Variants in PLCE1 observed in about 807,000 individuals in gnomAD.
PLCE1 encodes the protein 1-phosphatidylinositol 4,5-bisphosphate phosphodiesterase epsilon-1.
Under a neutral mutation model 242.8 loss-of-function variants are expected in PLCE1, and 119 were observed. The observed-to-expected ratio is 0.49, with a 90% CI of 0.42 to 0.57. PLCE1 has a LOEUF of 0.57. Ranked by LOEUF, PLCE1 falls within the 20% of genes least tolerant of loss-of-function variation. The probability of loss-of-function intolerance (pLI) is 0.00; values close to 1 mark genes in which losing one functional copy is unlikely to be tolerated. For synonymous variants in PLCE1, 945 were observed against 1,017.4 expected, an observed-to-expected ratio of 0.93 and a Z score of 1.35; for missense variants, 2,441 against 2,788.8, an observed-to-expected ratio of 0.88 and a Z score of 2.81.
In PLCE1 at chr10:94,308,645, T is replaced by C; in HGVS notation, c.5949T>C (p.Ile1983=). The C allele has an allele frequency of 1.2e-6, 2 of 1,613,656 alleles. No individual in the cohort carries two copies. Among genetic ancestry groups the C allele is most frequent in the Non-Finnish European group, 1.7e-6 (2 of 1,179,538 alleles). Residue 1983 remains isoleucine, a synonymous_variant, in exon 27 of 33, where the codon ATT becomes ATC. Transcript: ENST00000371380. ...TCTTGGAGATTTCTAGTTTATTCATTAACAGCAGAAGGATGGAAGAAAATT... is the reference window on the plus strand; with the variant it reads ...TCTTGGAGATTTCTAGTTTATTCATCAACAGCAGAAGGATGGAAGAAAATT... ...NEVLEISSLF[I]NSRRMEENSS... is the part of the protein sequence containing the mutation.
Position 94,227,429 on chromosome 10 carries a change from A to G in PLCE1, c.1933A>G (p.Met645Val), listed in dbSNP as rs2049984813. The G allele has an allele frequency of 2.5e-6, 4 of 1,614,136 alleles. No individual in the cohort carries two copies. Among genetic ancestry groups the G allele is most frequent in the Non-Finnish European group, 3.4e-6 (4 of 1,179,992 alleles). The change falls in exon 5 of 33, where the codon ATG (methionine) becomes GTG (valine). Residue 645 changes from methionine to valine, a missense_variant. Coordinates refer to ENST00000371380, the MANE Select transcript of PLCE1 (RefSeq NM_016341.4). ...CWNMGNYNAV[M>V]EFLAGLRSRK... Reference sequence around the variant, plus strand: ...GAACATGGGCAACTACAACGCTGTCATGGAGTTCTTGGCTGGCCTCAGGTA... The same window carrying G: ...GAACATGGGCAACTACAACGCTGTCGTGGAGTTCTTGGCTGGCCTCAGGTA...
intron 2 of PLCE1, among the ~76,000 whole-genome samples, chr10:94,083,903 G>C (rs1032693370): frequency 6.6e-6 from 1 of 152,148 alleles, no homozygotes; most frequent in African/African-American, 2.4e-5. Flanking sequence ...AAAGGTAACT[G>C]AGAGTTTGTA....
At chr10:94,113,324 A>G (rs2046013468) in intron 2 of PLCE1, among the ~76,000 whole-genome samples, 1 of 152,028 alleles carries the variant, frequency 6.6e-6, no homozygotes, top group Admixed American at 6.6e-5. Context: ...TTCACACTGA[A>G]TAAGTAAATT....
At chr10:94,260,768 ATCC>A (rs2132981585) in intron 13 of PLCE1, among the ~76,000 whole-genome samples, 1 of 152,214 alleles carries the variant, frequency 6.6e-6, no homozygotes, top group Non-Finnish European at 1.5e-5. Flanking sequence ...GCCTCAAGCA[ATCC>A]TCCTGCCTCA....
intron 4 of PLCE1, among the ~76,000 whole-genome samples, chr10:94,209,599 G>T (rs766364847): frequency 2.2e-4 from 33 of 152,134 alleles, no homozygotes; most frequent in Non-Finnish European, 1.5e-5. Flanking sequence ...GCATGAGGCT[G>T]GTTATAATGT....
rs117306743 is a variant in PLCE1 at position 94,146,938 on chromosome 10, A to T, written c.1492+14479A>T. On this transcript the variant is annotated intron_variant, in intron 3 of 32. Coordinates refer to ENST00000371380, the MANE Select transcript of PLCE1 (RefSeq NM_016341.4). ...CTGGGCTGGAAAGGTTCCAGGTAGC[A>T]TTCACATTTTCCATGGACAGGGTCT... is the stretch of plus-strand genomic sequence containing the variant. Among the ~76,000 whole-genome samples, 74 of 152,308 alleles carry T rather than the reference A, an allele frequency of 4.9e-4. No individual in the cohort carries two copies. In the East Asian group the frequency reaches 0.014, roughly 28 times the overall value.
chr10:94,190,787 A>G (rs192578371), intron 4 of PLCE1, among the ~76,000 whole-genome samples: 22 of 152,380 alleles, frequency 1.4e-4, no homozygotes, highest in Admixed American at 1.1e-3. Flanking sequence ...AGAGTAAAGT[A>G]TGATCTTTAA....
chr10:94,043,465 T>C (rs1276607258), intron 2 of PLCE1, among the ~76,000 whole-genome samples: 4 of 152,186 alleles, frequency 2.6e-5, no homozygotes, highest in Admixed American at 2.6e-4. Flanking sequence ...CCATGCTGAG[T>C]AGCTTAGCTT....
At position 94,332,285 on chromosome 10, in the gene PLCE1, A is replaced by G. The variant is rs1017711557; in HGVS notation, c.*4342A>G. 5.3e-5 allele frequency: 8 copies of G among 152,218 alleles called. No homozygotes were observed. Among genetic ancestry groups the G allele is most frequent in the African/African-American group, 1.9e-4 (8 of 41,458 alleles). The allele number at this position is 152,218 out of a possible 1,614,324, so 9.4% of individuals were successfully genotyped here. ...CATAGGTCTCTAAACTTTTGACACA[A>G]GTAATTCTAACACTGAATTGGGTAC... On this transcript the variant is annotated 3_prime_UTR_variant, in exon 33 of 33. Transcript: ENST00000371380.
At chr10:94,273,765 G>A (rs376941977) in intron 19 of PLCE1, 45 bp downstream of exon 19, 3 of 1,562,734 alleles carry the variant, frequency 1.9e-6, no homozygotes, top group Non-Finnish European at 2.6e-6. Flanking sequence ...AGTGTGCCTA[G>A]AACAAAGAAA....
At chr10:94,287,621 T>A (rs1465467049) in intron 22 of PLCE1, 2 of 152,092 alleles carry the variant, frequency 1.3e-5, no homozygotes, top group Non-Finnish European at 2.9e-5. Context: ...GTGGGCTCTT[T>A]GCACCACACT....
intron 3 of PLCE1, among the ~76,000 whole-genome samples, chr10:94,139,797 G>A (rs1055040227): frequency 3.9e-5 from 6 of 152,100 alleles, no homozygotes; most frequent in Non-Finnish European, 8.8e-5. Context: ...TTGGAAAGGT[G>A]TCCTTATTAG....
intron 4 of PLCE1, among the ~76,000 whole-genome samples, chr10:94,206,134 C>T (rs941187322): frequency 4.6e-5 from 7 of 151,950 alleles, no homozygotes; most frequent in African/African-American, 1.5e-4. Flanking sequence ...AACCTCAAGT[C>T]GAGTGATGAG....
Position 94,132,187 on chromosome 10 carries a change from TGAGAA to T in PLCE1, c.1228_1232del (p.Glu410AsnfsTer41). 1 of 1,614,104 alleles carries T rather than the reference TGAGAA, an allele frequency of 6.2e-7. No individual in the cohort carries two copies. Among genetic ancestry groups the T allele is most frequent in the Non-Finnish European group, 8.5e-7 (1 of 1,179,952 alleles). On this transcript the variant is annotated frameshift_variant, in exon 3 of 33. Coordinates refer to ENST00000371380, the MANE Select transcript of PLCE1 (RefSeq NM_016341.4). LOFTEE classifies it high-confidence loss of function. Reference sequence around the variant, plus strand: ...TGCTATTCACAGATCTACAATGCAGTGAGAAGAGAAGAAACAGAAAATACAGTTGG... The same window carrying T: ...TGCTATTCACAGATCTACAATGCAGTGAGAAGAAACAGAAAATACAGTTGG...
At chr10:94,210,102 C>T (rs907642272) in intron 4 of PLCE1, among the ~76,000 whole-genome samples, 3 of 151,150 alleles carry the variant, frequency 2.0e-5, no homozygotes, top group African/African-American at 7.3e-5. Context: ...TTTTTTTTGG[C>T]TTTGGTTTCG....
At chr10:94,165,598 G>A (rs552800526) in intron 3 of PLCE1, among the ~76,000 whole-genome samples, 1 of 152,062 alleles carries the variant, frequency 6.6e-6, no homozygotes, top group Non-Finnish European at 1.5e-5. Context: ...CAAAAAAACA[G>A]TATTACCATA....
intron 27 of PLCE1, among the ~76,000 whole-genome samples, chr10:94,312,367 TG>T (rs2053413285): frequency 6.6e-6 from 1 of 152,256 alleles, no homozygotes; most frequent in African/African-American, 2.4e-5. Flanking sequence ...TGCTTTTGCC[TG>T]CATCTCCAGC....
intron 2 of PLCE1, among the ~76,000 whole-genome samples, chr10:94,118,003 A>G (rs956731073): frequency 6.6e-6 from 1 of 152,218 alleles, no homozygotes; most frequent in South Asian, 2.1e-4. Flanking sequence ...GATAGCCAAG[A>G]AAAACCTTAA....
At chr10:94,228,944 G>A (rs1349953428) in intron 5 of PLCE1, among the ~76,000 whole-genome samples, 17 of 152,150 alleles carry the variant, frequency 1.1e-4, no homozygotes, top group Admixed American at 1.0e-3. Flanking sequence ...CACTTTGGGA[G>A]GCCAAGGTGG....
Sources: allele counts gnomAD v4.1 joint callset (sites outside exome capture counted in the v4.1 genomes callset), GRCh38; gene constraint gnomAD v4.1.1; transcripts MANE v1.5; gene names NCBI Gene and HGNC (gene_info 2026-07-23, HGNC 2026-07-21).